COBL: variants seen among roughly 807,000 people sequenced by gnomAD.
COBL encodes protein cordon-bleu.
Under a neutral mutation model 98.8 loss-of-function variants are expected in COBL, and 51 were observed. That is an observed-to-expected ratio of 0.52 (90% CI 0.41 to 0.65). The LOEUF is 0.65. Ranked by LOEUF, COBL falls within the 30% of genes least tolerant of loss-of-function variation. COBL has a pLI of 0.00. For missense variants in COBL, 1,617 were observed against 1,617.5 expected (o/e 1.00, Z 0.01); for synonymous variants, 634 against 651.7 (o/e 0.97, Z 0.41).
intron 6 of COBL, among the ~76,000 whole-genome samples, chr7:51,122,901 C>G (rs1291821621): frequency 6.6e-6 from 1 of 151,824 alleles, no homozygotes; most frequent in Non-Finnish European, 1.5e-5. Context: ...ATCGCTTGAA[C>G]CCAGGAGGAG....
intron 1 of COBL, among the ~76,000 whole-genome samples, chr7:51,249,298 A>T (rs970378677): frequency 2.0e-5 from 3 of 152,202 alleles, no homozygotes; most frequent in African/African-American, 7.2e-5. Flanking sequence ...TGAACACAAC[A>T]AACAGACACA....
At chr7:51,311,966 A>T (rs1803093623) in intron 1 of COBL, among the ~76,000 whole-genome samples, 1 of 152,088 alleles carries the variant, frequency 6.6e-6, no homozygotes. Flanking sequence ...CAACGCATAA[A>T]ACCTTCATAA....
At chr7:51,093,917 A>G (rs116479255) in intron 6 of COBL, among the ~76,000 whole-genome samples, 2,297 of 151,738 alleles carry the variant, frequency 0.015, 45 homozygotes, top group African/African-American at 0.052. Flanking sequence ...AAAAAAGTAT[A>G]GTCAAGATAT....
At chr7:51,113,819 T>C (rs1375507696) in intron 6 of COBL, among the ~76,000 whole-genome samples, 1 of 152,242 alleles carries the variant, frequency 6.6e-6, no homozygotes, top group African/African-American at 2.4e-5. Flanking sequence ...AGTGTGGTTC[T>C]CTTCACATAA....
chr7:51,234,768 C>T (rs1331134025), intron 1 of COBL, among the ~76,000 whole-genome samples: 1 of 151,486 alleles, frequency 6.6e-6, no homozygotes, highest in African/African-American at 2.4e-5. Context: ...AGAACCCTGA[C>T]TGAAGGGCCA....
chr7:51,228,111 A>G (rs1471979639), intron 1 of COBL, among the ~76,000 whole-genome samples: 2 of 152,226 alleles, frequency 1.3e-5, no homozygotes, highest in Admixed American at 6.5e-5. Flanking sequence ...ACCATCCACC[A>G]CATCCTGGTT....
chr7:51,071,347 C>G (rs1188414571), intron 7 of COBL: 1 of 152,172 alleles, frequency 6.6e-6, no homozygotes, highest in African/African-American at 2.4e-5. Flanking sequence ...AGCACAGTGC[C>G]AAGTCACATG....
intron 1 of COBL, among the ~76,000 whole-genome samples, chr7:51,290,689 A>G (rs902515691): frequency 9.2e-5 from 14 of 151,994 alleles, no homozygotes; most frequent in African/African-American, 3.4e-4. Context: ...CCTCCTTGTG[A>G]GTTTCAGGAA....
In COBL at chr7:51,039,028, C is replaced by T. The variant is rs562228697; in HGVS notation, c.1406+4355G>A. The stretch of plus-strand genomic sequence containing the variant: ...TCATCCAGGGTAGGGCCAGGAGGCT[C>T]GACTCAGGGACCAGGCACAGGGCAC... On this transcript the variant is annotated intron_variant, in intron 8 of 12. Coordinates refer to ENST00000265136, the MANE Select transcript of COBL (RefSeq NM_015198.5). Among the ~76,000 whole-genome samples the T allele has an allele frequency of 9.2e-5, 14 of 152,044 alleles. No homozygotes were observed. In the South Asian group the frequency reaches 2.7e-3, roughly 29 times the overall value.
intron 5 of COBL, among the ~76,000 whole-genome samples, chr7:51,156,773 C>G (rs917635968): frequency 6.6e-6 from 1 of 151,336 alleles, no homozygotes. Context: ...ACTTTCAAAT[C>G]ACTAAATGGA....
intron 1 of COBL, among the ~76,000 whole-genome samples, chr7:51,277,339 T>TAAATAC (rs1213463161): frequency 5.9e-5 from 9 of 152,176 alleles, no homozygotes; most frequent in Admixed American, 5.2e-4. Flanking sequence ...TGCAGAAGTG[T>TAAATAC]AAATACACAC....
chr7:51,307,071 G>A (rs551471986), intron 1 of COBL, among the ~76,000 whole-genome samples: 1 of 152,322 alleles, frequency 6.6e-6, no homozygotes, highest in African/African-American at 2.4e-5. Flanking sequence ...CAGGCCGGGT[G>A]CAGTGGCTCA....
intron 2 of COBL, among the ~76,000 whole-genome samples, chr7:51,209,827 C>G (rs779747468): frequency 6.6e-6 from 1 of 152,116 alleles, no homozygotes; most frequent in Non-Finnish European, 1.5e-5. Context: ...CTGTCTCTAC[C>G]CAGTAAACAG....
At chr7:51,252,830 G>A (rs1015775015) in intron 1 of COBL, among the ~76,000 whole-genome samples, 1 of 152,058 alleles carries the variant, frequency 6.6e-6, no homozygotes, top group Non-Finnish European at 1.5e-5. Flanking sequence ...ATTTGAGAAC[G>A]CATAAATATC....
In COBL at chr7:51,286,318, C is replaced by T. The variant is rs1388982824; in HGVS notation, c.41+30275G>A. Among the ~76,000 whole-genome samples, 6 of 132,130 alleles carry T rather than the reference C, an allele frequency of 4.5e-5. No homozygotes were observed. The Admixed American group carries it at 4.6e-4, about 10-fold the overall frequency. The allele number at this position is 132,130 out of a possible 152,430, so 86.7% of individuals were successfully genotyped here. ...AAGACACTGCTAAAGAATAAAAACA[C>T]AAGATACTGACTGAAAAAAAAAAAT... On this transcript the variant is annotated intron_variant, in intron 1 of 12. Coordinates refer to ENST00000265136, the MANE Select transcript of COBL (RefSeq NM_015198.5).
At chr7:51,256,293 G>A (rs191756897) in intron 1 of COBL, among the ~76,000 whole-genome samples, 6 of 152,334 alleles carry the variant, frequency 3.9e-5, no homozygotes, top group African/African-American at 1.4e-4. Context: ...AAGGGCTGGA[G>A]CCGAGGCACA....
At chr7:51,086,927 G>A (rs758933832) in intron 6 of COBL, among the ~76,000 whole-genome samples, 25 of 151,560 alleles carry the variant, frequency 1.6e-4, no homozygotes, top group Non-Finnish European at 2.9e-4. Flanking sequence ...CCATAAAGAT[G>A]AGTCAAAACC....
chr7:51,187,319 TATATATATATATACACACACAC>T (rs1023907469), intron 4 of COBL, among the ~76,000 whole-genome samples: 1 of 135,114 alleles, frequency 7.4e-6, no homozygotes, highest in Admixed American at 7.5e-5. Flanking sequence ...AGTATATATA[TATATATATATATACACACACAC>T]ACACACACAC....
chr7:51,085,075 A>G (rs1794068855), intron 7 of COBL, 91 bp downstream of exon 7: 2 of 1,585,874 alleles, frequency 1.3e-6, no homozygotes, highest in Non-Finnish European at 1.7e-6. Flanking sequence ...GTCATTATGG[A>G]TGAGGCCACT....
Sources: gnomAD v4.1 joint callset for allele counts (sites outside exome capture counted in the v4.1 genomes callset) on GRCh38, gnomAD v4.1.1 for gene constraint, MANE v1.5 for transcripts, NCBI Gene and HGNC (gene_info 2026-07-23, HGNC 2026-07-21) for gene names.